The following CCDC33 variants were observed in gnomAD, a reference collection of about 807,000 sequenced individuals.
CCDC33 encodes coiled-coil domain-containing protein 33.
CCDC33 carries 94 observed loss-of-function variants against 91.9 expected under a neutral mutation model. That is an observed-to-expected ratio of 1.02 (90% confidence interval 0.87 to 1.21). The LOEUF (loss-of-function observed/expected upper bound fraction) is 1.21. Among genes scored for constraint, CCDC33 ranks in the 50% most tolerant of loss-of-function variants. CCDC33 has a pLI of 0.00. For synonymous variants in CCDC33, 396 were observed against 374.5 expected, an observed-to-expected ratio of 1.06 and a Z score of -0.66; for missense variants, 940 against 935.5, an observed-to-expected ratio of 1.00 and a Z score of -0.06.
At chr15:74,308,804 A>C (rs2059939887) in intron 11 of CCDC33, among the ~76,000 whole-genome samples, 1 of 152,196 alleles carries the variant, frequency 6.6e-6, no homozygotes, top group African/African-American at 2.4e-5. Context: ...TGGAAGGGCC[A>C]GGAAGAGCAA....
chr15:74,208,170 T>G, intron 1 of CCDC33: 3 of 570,840 alleles, frequency 5.3e-6, no homozygotes, highest in Non-Finnish European at 4.7e-6. Context: ...GCTAGGCTAG[T>G]ACTGACCTGG....
chr15:74,242,072 C>T (rs556089865), intron 1 of CCDC33, among the ~76,000 whole-genome samples: 11 of 152,292 alleles, frequency 7.2e-5, no homozygotes, highest in African/African-American at 9.6e-5. Flanking sequence ...GATGAAATAA[C>T]GTTCCTAAAA....
intron 1 of CCDC33, among the ~76,000 whole-genome samples, chr15:74,207,412 C>A (rs1011705535): frequency 2.6e-5 from 4 of 152,144 alleles, no homozygotes; most frequent in African/African-American, 7.2e-5. Context: ...AGTAACACAT[C>A]AGAACCACTG....
chr15:74,336,065 G>C lies in CCDC33; in HGVS notation c.*12G>C. ...CTCAGCAGACCTGAGCCCCAGAGCA[G>C]GCCTCCTTCCCTGTGTGCTGGGGAG... On this transcript the variant is annotated 3_prime_UTR_variant, in exon 19 of 19. Transcript: ENST00000398814. 6.2e-7 allele frequency: 1 copy of C among 1,613,376 alleles called. No homozygotes were observed. The highest frequency in any genetic ancestry group is 8.5e-7 in the Non-Finnish European group (1 of 1,179,936).
At chr15:74,234,005 A>T (rs777778143), upstream of CCDC33, among the ~76,000 whole-genome samples, 1 of 152,086 alleles carries the variant, frequency 6.6e-6, no homozygotes. Flanking sequence ...TTGCATGGGT[A>T]GTTTGTCCTC....
Position 74,336,043 on chromosome 15 carries a change from A to G in CCDC33, c.2258A>G (p.Gln753Arg), listed in dbSNP as rs755277351. 1.2e-6 allele frequency: 2 copies of G among 1,613,844 alleles called. No individual in the cohort carries two copies. Among genetic ancestry groups the G allele is most frequent in the Non-Finnish European group, 8.5e-7 (1 of 1,179,998 alleles). The change falls in exon 19 of 19, where the codon CAG becomes CGG. Residue 753 changes from glutamine (Q) to arginine (R), a missense_variant. By Grantham distance (43) the Gln-to-Arg change is conservative. Transcript: ENST00000398814. ...CCCCAGAAGGAGACCGCTAACTCTC[A>G]GCAGACCTGAGCCCCAGAGCAGGCC... ...LSPQKETANS[Q>R]QT
intron 10 of CCDC33, among the ~76,000 whole-genome samples, chr15:74,282,944 C>T (rs534696329): frequency 5.0e-4 from 76 of 152,302 alleles, no homozygotes; most frequent in African/African-American, 1.5e-3. Context: ...GACTAATGTC[C>T]GCGCCAACCC....
At chr15:74,335,320 C>G (rs2060543438) in intron 18 of CCDC33, 2 of 609,576 alleles carry the variant, frequency 3.3e-6, no homozygotes, top group Non-Finnish European at 5.9e-6. Context: ...CCCTTTCCCC[C>G]ATGGGGTGCT....
chr15:74,328,916 G>A (rs1467514766), intron 11 of CCDC33, among the ~76,000 whole-genome samples: 2 of 152,166 alleles, frequency 1.3e-5, no homozygotes, highest in African/African-American at 2.4e-5. Flanking sequence ...CTCAGCAAAC[G>A]CAGGAGCAAA....
intron 10 of CCDC33, among the ~76,000 whole-genome samples, chr15:74,282,430 C>G (rs935045081): frequency 6.6e-6 from 1 of 152,190 alleles, no homozygotes; most frequent in Non-Finnish European, 1.5e-5. Flanking sequence ...CTCACAATGG[C>G]CCCGTTCATC....
intron 2 of CCDC33, among the ~76,000 whole-genome samples, chr15:74,254,875 G>A (rs2075815512): frequency 6.6e-6 from 1 of 151,586 alleles, no homozygotes; most frequent in Non-Finnish European, 1.5e-5. Flanking sequence ...AGCCTCCTGA[G>A]TAGCTGGGAT....
intron 11 of CCDC33, among the ~76,000 whole-genome samples, chr15:74,311,052 G>A (rs970700082): frequency 6.6e-6 from 1 of 152,110 alleles, no homozygotes; most frequent in African/African-American, 2.4e-5. Flanking sequence ...TGATCTGCCT[G>A]GACAGGGCGC....
At chr15:74,245,579 G>A (rs2075498350) in intron 2 of CCDC33, among the ~76,000 whole-genome samples, 1 of 152,232 alleles carries the variant, frequency 6.6e-6, no homozygotes, top group African/African-American at 2.4e-5. Flanking sequence ...GCGGGGCGGG[G>A]AGCTGGGTGG....
chr15:74,209,159 A>G (rs761248869), intron 1 of CCDC33: 36 of 1,281,960 alleles, frequency 2.8e-5, no homozygotes, highest in Admixed American at 6.4e-5. Flanking sequence ...GCTCAGGCAC[A>G]GAGCAGGGGC....
chr15:74,333,751 C>A, intron 16 of CCDC33, 130 bp from the exon 17 acceptor site: 1 of 669,610 alleles, frequency 1.5e-6, no homozygotes, highest in Non-Finnish European at 2.5e-6. Context: ...CCAGGTCTGA[C>A]GCTCTGCCTC....
chr15:74,271,185 C>T (rs1390549881), intron 5 of CCDC33, among the ~76,000 whole-genome samples: 1 of 152,076 alleles, frequency 6.6e-6, no homozygotes, highest in Admixed American at 6.5e-5. Flanking sequence ...TCAGGAAGTT[C>T]AGCATGGTCG....
chr15:74,252,388 G>A (rs1316969886), intron 2 of CCDC33, among the ~76,000 whole-genome samples: 1 of 152,178 alleles, frequency 6.6e-6, no homozygotes, highest in Non-Finnish European at 1.5e-5. Flanking sequence ...CAGCCAGAGG[G>A]TTGGGCTCAG....
intron 2 of CCDC33, among the ~76,000 whole-genome samples, chr15:74,222,521 TTC>T (rs1197456241): frequency 1.6e-4 from 19 of 122,102 alleles, no homozygotes; most frequent in African/African-American, 5.3e-4. Context: ...TGTTTTTTTT[TTC>T]TTTTTCTTTT....
At chr15:74,273,026 C>T (rs1230282606) in intron 7 of CCDC33, 135 bp downstream of exon 7, 3 of 1,173,326 alleles carry the variant, frequency 2.6e-6, no homozygotes, top group Non-Finnish European at 3.6e-6. Flanking sequence ...ATACCCAGTG[C>T]TGTGCTCGCC....
Sources: gnomAD v4.1 joint callset for allele counts (sites outside exome capture counted in the v4.1 genomes callset) on GRCh38, gnomAD v4.1.1 for gene constraint, MANE v1.5 for transcripts, NCBI Gene and HGNC (gene_info 2026-07-23, HGNC 2026-07-21) for gene names.